ADAM12: variants seen among roughly 807,000 people sequenced by gnomAD.
ADAM12 encodes the protein disintegrin and metalloproteinase domain-containing protein 12.
In ADAM12, 70 loss-of-function variants were observed where a neutral mutation model predicts 106.4. That is an observed-to-expected ratio of 0.66 (90% confidence interval 0.54 to 0.80). The LOEUF is 0.80. ADAM12 is among the 30% of genes least tolerant of loss of function. The probability of loss-of-function intolerance (pLI) is 0.00; values close to 1 mark genes in which losing one functional copy is unlikely to be tolerated. For missense variants in ADAM12, 1,010 were observed against 1,171.9 expected, an observed-to-expected ratio of 0.86 and a Z score of 2.02; for synonymous variants, 420 against 433.5, an observed-to-expected ratio of 0.97 and a Z score of 0.39.
chr10:126,035,830 T>C (rs534968861), intron 21 of ADAM12, among the ~76,000 whole-genome samples: 1 of 152,334 alleles, frequency 6.6e-6, no homozygotes, highest in African/African-American at 2.4e-5. Context: ...TCTATTTTAC[T>C]GTACAGGCCT....
In ADAM12 at chr10:126,064,012, C is replaced by T. The variant is rs1230218695; in HGVS notation, c.1609+794G>A. 6.6e-6 allele frequency among the ~76,000 whole-genome samples: 1 copy of T among 152,182 alleles called. No homozygotes were observed. Among genetic ancestry groups the T allele is most frequent in the South Asian group, 2.1e-4 (1 of 4,834 alleles). On this transcript the variant is annotated intron_variant, in intron 14 of 22. Transcript: ENST00000448723. The surrounding 1 kb of genome is among the most constrained non-coding windows in gnomAD (Gnocchi z 4.4). Reference sequence around the variant, plus strand: ...ACATGGGCATTGGGTCACAGTAACCCAGGTTCAAATCCTAGCCCGGAGACC... The same window carrying T: ...ACATGGGCATTGGGTCACAGTAACCTAGGTTCAAATCCTAGCCCGGAGACC...
chr10:126,159,898 A>G (rs1355876581), intron 3 of ADAM12, among the ~76,000 whole-genome samples: 1 of 152,128 alleles, frequency 6.6e-6, no homozygotes, highest in African/African-American at 2.4e-5. Flanking sequence ...GGAGCTCTGG[A>G]GAGTTCTTAA....
intron 3 of ADAM12, among the ~76,000 whole-genome samples, chr10:126,221,132 C>T (rs895176978): frequency 6.6e-6 from 1 of 152,062 alleles, no homozygotes; most frequent in Non-Finnish European, 1.5e-5. Flanking sequence ...ACTTGTAATC[C>T]CAGCACTTTG....
At chr10:126,382,824 T>G (rs754277298) in intron 1 of ADAM12, among the ~76,000 whole-genome samples, 1 of 152,020 alleles carries the variant, frequency 6.6e-6, no homozygotes, top group Non-Finnish European at 1.5e-5. Context: ...GACTAACACA[T>G]TCAGAGTTAA....
rs190558266 is a variant in ADAM12 at position 126,368,844 on chromosome 10, C to T, written c.88+19214G>A. Among the ~76,000 whole-genome samples, 400 of 152,176 alleles carry T rather than the reference C, an allele frequency of 2.6e-3. 2 individuals are homozygous for T. Among genetic ancestry groups the T allele is most frequent in the African/African-American group, 8.9e-3 (369 of 41,524 alleles). On this transcript the variant is annotated intron_variant, in intron 1 of 22. Transcript: ENST00000448723. ...TTTATCATCACCAGATCACTAAATG[C>T]TAGCTATAGAATATCCAAACCCAAG...
At chr10:126,099,384 C>T (rs987706773) in intron 9 of ADAM12, among the ~76,000 whole-genome samples, 2 of 150,280 alleles carry the variant, frequency 1.3e-5, no homozygotes, top group Non-Finnish European at 3.0e-5. Context: ...CTCTCTCCCT[C>T]CCTCTCTCCC....
chr10:126,038,274 C>CA lies in ADAM12; in HGVS notation c.2315dup (p.Met773AspfsTer24). The CA allele has an allele frequency of 1.2e-6, 2 of 1,612,174 alleles. No individual in the cohort carries two copies. The highest frequency in any genetic ancestry group is 1.7e-6 in the Non-Finnish European group (2 of 1,179,402). On this transcript the variant is annotated frameshift_variant, in exon 20 of 23. Coordinates refer to ENST00000448723, the MANE Select transcript of ADAM12 (RefSeq NM_001288973.2). LOFTEE classifies it high-confidence loss of function. ...GGTAGGAATCTGGCGGCTTCCTCATCAGGCCTTTTCCAAGGTGGCCGAGGT... is the reference window on the plus strand; with the variant it reads ...GGTAGGAATCTGGCGGCTTCCTCATCAAGGCCTTTTCCAAGGTGGCCGAGGT...
chr10:126,269,960 C>T (rs12251014), intron 3 of ADAM12, among the ~76,000 whole-genome samples: 46,908 of 152,090 alleles, frequency 0.31, 7,355 homozygotes, highest in South Asian at 0.39. Flanking sequence ...TTCTGACCTT[C>T]TTCAACGTCT....
chr10:126,314,018 CACGGATGGAGG>C (rs781378821), intron 2 of ADAM12, among the ~76,000 whole-genome samples: 5 of 151,794 alleles, frequency 3.3e-5, no homozygotes, highest in Non-Finnish European at 7.4e-5. Context: ...TGTAGGCACT[CACGGATGGAGG>C]TCAGGAACAG....
rs1423833711 is a variant in ADAM12, at chr10:126,086,670, AAAAAAAAAAAATATATATATAT to A, written c.1145+7293_1145+7314del. On this transcript the variant is annotated intron_variant, in intron 11 of 22. Transcript: ENST00000448723. The stretch of plus-strand genomic sequence containing the variant: ...CTGCCTCAAAAAAAAAAAAAAAAAA[AAAAAAAAAAAATATATATATAT>A]ATATATATATATATAAAATAAAATA... 8.4e-4 allele frequency among the ~76,000 whole-genome samples: 35 copies of A among 41,468 alleles called. 1 individual carries two copies. Among genetic ancestry groups the A allele is most frequent in the African/African-American group, 7.1e-3 (35 of 4,898 alleles). The allele number at this position is 41,468 out of a possible 152,430, so 27.2% of individuals were successfully genotyped here. A position where few individuals can be genotyped will look rare whatever the true frequency, so the allele number is the denominator to read the frequency against.
intron 20 of ADAM12, among the ~76,000 whole-genome samples, chr10:126,036,534 A>G (rs1278250): frequency 0.69 from 104,329 of 152,054 alleles, 36,161 homozygotes; most frequent in East Asian, 0.77. Flanking sequence ...CCTCCACCCC[A>G]CCAAATCTGG....
intron 3 of ADAM12, among the ~76,000 whole-genome samples, chr10:126,211,325 C>T (rs931449604): frequency 6.6e-6 from 1 of 152,220 alleles, no homozygotes; most frequent in Admixed American, 6.5e-5. Context: ...GCGGCATACC[C>T]CACCCTCCCG....
At chr10:126,225,461 G>C (rs1958175724) in intron 3 of ADAM12, among the ~76,000 whole-genome samples, 2 of 152,194 alleles carry the variant, frequency 1.3e-5, no homozygotes, top group South Asian at 4.1e-4. Flanking sequence ...ATTAGTGTGG[G>C]GGCAGAGCCA....
chr10:126,048,441 T>C (rs1208133049), intron 16 of ADAM12, among the ~76,000 whole-genome samples: 1 of 152,164 alleles, frequency 6.6e-6, no homozygotes, highest in Non-Finnish European at 1.5e-5. Flanking sequence ...AAAGGATTTG[T>C]GGCTCAGGGT....
intron 3 of ADAM12, among the ~76,000 whole-genome samples, chr10:126,206,959 T>C (rs768227768): frequency 6.6e-6 from 1 of 151,900 alleles, no homozygotes; most frequent in Non-Finnish European, 1.5e-5. Flanking sequence ...GATGGTTTTA[T>C]AAAGGGGAGT....
At chr10:126,048,421 T>G (rs1221882176) in intron 16 of ADAM12, among the ~76,000 whole-genome samples, 3 of 152,160 alleles carry the variant, frequency 2.0e-5, no homozygotes, top group African/African-American at 7.2e-5. Context: ...CGATCCTATT[T>G]CTCAAGGAAA....
intron 1 of ADAM12, among the ~76,000 whole-genome samples, chr10:126,335,338 G>T (rs1367246822): frequency 6.6e-6 from 1 of 152,190 alleles, no homozygotes; most frequent in Non-Finnish European, 1.5e-5. Flanking sequence ...TTAAAATGGA[G>T]AATCAATCTG....
chr10:126,036,872 C>T (rs1302658272), intron 20 of ADAM12, among the ~76,000 whole-genome samples: 2 of 152,182 alleles, frequency 1.3e-5, no homozygotes, highest in Non-Finnish European at 1.5e-5. Context: ...CTTCCTTCCT[C>T]TCTTTCTAAA....
intron 2 of ADAM12, 86 bp from the exon 3 acceptor site, chr10:126,279,074 T>A (rs1342406089): frequency 4.0e-6 from 4 of 993,646 alleles, no homozygotes; most frequent in Non-Finnish European, 3.1e-6. Flanking sequence ...CGTAGTCAAA[T>A]GAGGGAATAA....
Sources: allele counts gnomAD v4.1 joint callset (sites outside exome capture counted in the v4.1 genomes callset), GRCh38; gene constraint gnomAD v4.1.1; non-coding constraint Gnocchi (gnomAD v3.1); transcripts MANE v1.5; gene names NCBI Gene and HGNC (gene_info 2026-07-23, HGNC 2026-07-21).